DHRS7B: variants seen among roughly 807,000 people sequenced by gnomAD.
DHRS7B encodes dehydrogenase/reductase 7B.
In DHRS7B, 24 loss-of-function variants were observed where a neutral mutation model predicts 26.4. The observed-to-expected ratio is 0.91, with a 90% CI of 0.66 to 1.28. The LOEUF (loss-of-function observed/expected upper bound fraction) is 1.28. Among genes scored for constraint, DHRS7B ranks in the 50% most tolerant of loss-of-function variants. DHRS7B has a pLI of 0.00. For synonymous variants in DHRS7B, 142 were observed against 166.4 expected, an observed-to-expected ratio of 0.85 and a Z score of 1.13; for missense variants, 368 against 419.4, an observed-to-expected ratio of 0.88 and a Z score of 1.07.
chr17:21,168,440 C>T (rs879568526), intron 1 of DHRS7B, among the ~76,000 whole-genome samples: 6 of 152,142 alleles, frequency 3.9e-5, no homozygotes, highest in Admixed American at 3.3e-4. Flanking sequence ...GCAATCTTGG[C>T]TCACTGTAGC....
At chr17:21,162,357 G>A (rs1974018044) in intron 1 of DHRS7B, among the ~76,000 whole-genome samples, 1 of 152,192 alleles carries the variant, frequency 6.6e-6, no homozygotes, top group South Asian at 2.1e-4. Flanking sequence ...AAAATGGACT[G>A]TGAGAACATT....
intron 1 of DHRS7B, among the ~76,000 whole-genome samples, chr17:21,157,431 C>T (rs1305363790): frequency 6.6e-6 from 1 of 152,160 alleles, no homozygotes; most frequent in African/African-American, 2.4e-5. Context: ...GCACAGTGCT[C>T]ATGCTTGTAA....
At chr17:21,135,571 T>C (rs1973323163) in intron 1 of DHRS7B, among the ~76,000 whole-genome samples, 1 of 152,224 alleles carries the variant, frequency 6.6e-6, no homozygotes, top group Non-Finnish European at 1.5e-5. Context: ...GAAGAATTAA[T>C]TTTGCAAACA....
At position 21,143,085 on chromosome 17, in the gene DHRS7B, C is replaced by T. The variant is rs188395899; in HGVS notation, c.20+16094C>T. On this transcript the variant is annotated intron_variant, in intron 1 of 6. Transcript: ENST00000395511. ...CTAGGATTACAGGCACCTGCCACCA[C>T]GCCCAGCTAATTTTTGTATTTTTAG... is the stretch of plus-strand genomic sequence containing the variant. 4.6e-3 allele frequency among the ~76,000 whole-genome samples: 705 copies of T among 152,282 alleles called. 3 individuals are homozygous for T. Among genetic ancestry groups the T allele is most frequent in the African/African-American group, 0.016 (656 of 41,566 alleles).
chr17:21,178,480 C>G, intron 3 of DHRS7B, 138 bp downstream of exon 3: 2 of 691,446 alleles, frequency 2.9e-6, no homozygotes, highest in Non-Finnish European at 4.9e-6. Context: ...GGCAGCAGGT[C>G]TCCATAGCGA....
At chr17:21,164,030 C>CTTTTTTTTTTTTTTTTTTTTTTTTTTTTT (rs35189205) in intron 1 of DHRS7B, among the ~76,000 whole-genome samples, 7 of 96,972 alleles carry the variant, frequency 7.2e-5, no homozygotes, top group African/African-American at 3.0e-4. Context: ...AATTGTTGTG[C>CTTTTTTTTTTTTTTTTTTTTTTTTTTTTT]TTTTTTTTTT....
intron 1 of DHRS7B, among the ~76,000 whole-genome samples, chr17:21,160,843 T>C (rs1973984483): frequency 1.3e-5 from 2 of 152,176 alleles, no homozygotes; most frequent in African/African-American, 4.8e-5. Flanking sequence ...ATGTATAAAC[T>C]CTGGTACATC....
In DHRS7B at chr17:21,184,414, C is replaced by T. The variant is rs781742062; in HGVS notation, c.570C>T (p.Val190=). 39 of 1,614,110 alleles carry T rather than the reference C, an allele frequency of 2.4e-5. No homozygotes were observed. Among genetic ancestry groups the T allele is most frequent in the African/African-American group, 1.3e-4 (10 of 74,934 alleles). ...SMIKRRQGHI[V]AISSIQGKMS... ...TCAAGAGGAGGCAAGGCCACATTGT[C>T]GCCATCAGCAGCATCCAGGGCAAGA... Residue 190 remains valine (V), a synonymous_variant, in exon 5 of 7, where the codon GTC becomes GTT. Coordinates refer to ENST00000395511, the MANE Select transcript of DHRS7B (RefSeq NM_015510.5).
At chr17:21,166,513 T>C in intron 1 of DHRS7B, 2 of 973,298 alleles carry the variant, frequency 2.1e-6, no homozygotes, top group African/African-American at 1.8e-5. Context: ...AAGGCGGCCT[T>C]AATGTGGCTT....
chr17:21,158,030 G>A (rs1973918520), intron 1 of DHRS7B, among the ~76,000 whole-genome samples: 1 of 152,046 alleles, frequency 6.6e-6, no homozygotes, highest in African/African-American at 2.4e-5. Context: ...TGCAGAGAAA[G>A]TATTTGACAA....
chr17:21,143,634 A>G (rs1973576097), intron 1 of DHRS7B, among the ~76,000 whole-genome samples: 1 of 151,902 alleles, frequency 6.6e-6, no homozygotes, highest in African/African-American at 2.4e-5. Context: ...GTATTTACAG[A>G]GGGTCAGTTT....
intron 1 of DHRS7B, among the ~76,000 whole-genome samples, chr17:21,165,816 T>C (rs928130936): frequency 6.7e-6 from 1 of 149,292 alleles, no homozygotes; most frequent in African/African-American, 2.5e-5. Context: ...CGCGGGAGGC[T>C]GAGGCAGAAG....
At chr17:21,138,129 C>CACACACACACACACACACAT (rs1429452660) in intron 1 of DHRS7B, among the ~76,000 whole-genome samples, 2 of 140,040 alleles carry the variant, frequency 1.4e-5, no homozygotes, top group Admixed American at 7.1e-5. Flanking sequence ...CACACACACA[C>CACACACACACACACACACAT]ACATATATTT....
intron 1 of DHRS7B, chr17:21,127,662 G>C (rs912319029): frequency 6.6e-6 from 1 of 152,328 alleles, no homozygotes; most frequent in Non-Finnish European, 1.5e-5. Context: ...AAATGAGACT[G>C]CGCGTGCAAG....
intron 1 of DHRS7B, among the ~76,000 whole-genome samples, chr17:21,137,265 C>T (rs1973365082): frequency 6.7e-6 from 1 of 149,574 alleles, no homozygotes; most frequent in Non-Finnish European, 1.5e-5. Flanking sequence ...TAGGCGTGAG[C>T]CACTGGGCCT....
chr17:21,140,486 A>G (rs1295787376), intron 1 of DHRS7B, among the ~76,000 whole-genome samples: 1 of 119,878 alleles, frequency 8.3e-6, no homozygotes, highest in Admixed American at 8.5e-5. Context: ...AAATACACAC[A>G]CACACACACA....
At chr17:21,176,149 C>A (rs1238876240) in intron 2 of DHRS7B, among the ~76,000 whole-genome samples, 1 of 151,998 alleles carries the variant, frequency 6.6e-6, no homozygotes, top group East Asian at 2.0e-4. Flanking sequence ...CGCCACCACA[C>A]CTGGCTAATT....
chr17:21,137,140 T>C (rs2143882563), intron 1 of DHRS7B, among the ~76,000 whole-genome samples: 1 of 151,600 alleles, frequency 6.6e-6, no homozygotes, highest in Admixed American at 6.6e-5. Flanking sequence ...CTGAGTAATT[T>C]GTGTATTTTT....
Position 21,178,681 on chromosome 17 carries a change from C to T in DHRS7B, c.309+339C>T, listed in dbSNP as rs1597755265. The stretch of plus-strand genomic sequence containing the variant: ...TGTTTTTTTTTTTTTTTTTGGGACA[C>T]GGAGTCTCGCTCTGTCACCCAGGCT... On this transcript the variant is annotated intron_variant, in intron 3 of 6. Coordinates refer to ENST00000395511, the MANE Select transcript of DHRS7B (RefSeq NM_015510.5). Among the ~76,000 whole-genome samples the T allele has an allele frequency of 2.7e-5, 4 of 145,498 alleles. 1 individual carries two copies. In the South Asian group the frequency reaches 6.5e-4, roughly 24 times the overall value.
Sources: allele counts gnomAD v4.1 joint callset (sites outside exome capture counted in the v4.1 genomes callset), GRCh38; gene constraint gnomAD v4.1.1; transcripts MANE v1.5; gene names NCBI Gene and HGNC (gene_info 2026-07-23, HGNC 2026-07-21).